ADAM23: variants seen among roughly 807,000 people sequenced by gnomAD.
The protein encoded by ADAM23 is ADAM metallopeptidase domain 23.
A neutral mutation model predicts 120.1 loss-of-function variants in ADAM23; 33 were observed. The observed-to-expected ratio is 0.27, with a 90% CI of 0.21 to 0.37. The LOEUF (loss-of-function observed/expected upper bound fraction) is 0.37. ADAM23 is among the 10% of genes least tolerant of loss of function. The pLI, the probability that ADAM23 is intolerant of heterozygous loss-of-function variation, is 1.00. For missense variants in ADAM23, 862 were observed against 1,058.2 expected (o/e 0.81, Z 2.57); for synonymous variants, 367 against 375.2 (o/e 0.98, Z 0.25).
chr2:206,590,321 C>T (rs1476695175), intron 21 of ADAM23, among the ~76,000 whole-genome samples: 2 of 152,182 alleles, frequency 1.3e-5, no homozygotes, highest in Non-Finnish European at 2.9e-5. Context: ...TGGTATTGAA[C>T]TCCTGGCCTC....
chr2:206,562,324 A>T (rs1574535388), intron 13 of ADAM23, 31 bp downstream of exon 13: 33 of 1,547,740 alleles, frequency 2.1e-5, no homozygotes, highest in Non-Finnish European at 2.9e-5. Flanking sequence ...ACTCATTTTC[A>T]TGTGCCATTC....
intron 2 of ADAM23, among the ~76,000 whole-genome samples, chr2:206,465,731 C>G (rs1316573365): frequency 6.6e-6 from 1 of 152,084 alleles, no homozygotes; most frequent in Non-Finnish European, 1.5e-5. Context: ...GGCACTATTA[C>G]AAAATTTTGA....
At chr2:206,457,084 T>C (rs550619066) in intron 2 of ADAM23, among the ~76,000 whole-genome samples, 58 of 152,318 alleles carry the variant, frequency 3.8e-4, no homozygotes, top group Middle Eastern at 3.4e-3. Context: ...TCTCCCCATG[T>C]TTATCCTTGC....
At chr2:206,513,119 C>T (rs1162999153) in intron 3 of ADAM23, among the ~76,000 whole-genome samples, 1 of 152,076 alleles carries the variant, frequency 6.6e-6, no homozygotes, top group Non-Finnish European at 1.5e-5. Flanking sequence ...AATTAACAAC[C>T]TTATACCGGC....
chr2:206,527,938 A>G (rs991855955), intron 3 of ADAM23, among the ~76,000 whole-genome samples: 1 of 152,216 alleles, frequency 6.6e-6, no homozygotes, highest in Non-Finnish European at 1.5e-5. Context: ...AGATTCTAAA[A>G]TGCCAGAGAT....
At chr2:206,580,694 C>T (rs1574546837) in intron 18 of ADAM23, among the ~76,000 whole-genome samples, 1 of 152,012 alleles carries the variant, frequency 6.6e-6, no homozygotes, top group Non-Finnish European at 1.5e-5. Flanking sequence ...TGGTAATGTC[C>T]TTTCCTGGTT....
At chr2:206,591,813 G>A (rs545822074) in intron 21 of ADAM23, among the ~76,000 whole-genome samples, 1 of 152,224 alleles carries the variant, frequency 6.6e-6, no homozygotes, top group South Asian at 2.1e-4. Context: ...CCAACACTTG[G>A]TATTATCAGA....
At chr2:206,473,572 AAATAATAAT>A (rs137861771) in intron 2 of ADAM23, among the ~76,000 whole-genome samples, 8 of 147,202 alleles carry the variant, frequency 5.4e-5, no homozygotes, top group South Asian at 2.1e-4. Flanking sequence ...CCCATCTCTA[AAATAATAAT>A]AATAATAATA....
intron 4 of ADAM23, among the ~76,000 whole-genome samples, chr2:206,538,425 A>G (rs1436953632): frequency 1.3e-5 from 2 of 152,218 alleles, no homozygotes; most frequent in Non-Finnish European, 2.9e-5. Flanking sequence ...AAAGATATGT[A>G]TATAGAATAA....
At chr2:206,584,874 G>A (rs1210850712) in intron 18 of ADAM23, among the ~76,000 whole-genome samples, 3 of 152,296 alleles carry the variant, frequency 2.0e-5, no homozygotes, top group Non-Finnish European at 2.9e-5. Context: ...TGCTAGGCAG[G>A]AATGGGCTGC....
rs1491552690 is a variant in ADAM23, at chr2:206,477,922, A to AT, written c.433-3310_433-3309insT. On this transcript the variant is annotated intron_variant, in intron 2 of 25. Coordinates refer to ENST00000264377, the MANE Select transcript of ADAM23 (RefSeq NM_003812.4). ...AATATATATATATATATATATATAT[A>AT]AAACAACAATGTGGTTTATAAAATA... 2.5e-3 allele frequency among the ~76,000 whole-genome samples: 341 copies of AT among 136,920 alleles called. 5 individuals carry two copies. Among genetic ancestry groups the AT allele is most frequent in the African/African-American group, 7.0e-3 (251 of 36,098 alleles). The allele number at this position is 136,920 out of a possible 152,430, so 89.8% of individuals were successfully genotyped here. A position where few individuals can be genotyped will look rare whatever the true frequency, so the allele number is the denominator to read the frequency against.
At chr2:206,545,501 T>A (rs556657797) in intron 6 of ADAM23, among the ~76,000 whole-genome samples, 55 of 152,164 alleles carry the variant, frequency 3.6e-4, no homozygotes, top group South Asian at 1.0e-3. Context: ...ATAAATTAAT[T>A]AATTAATTAA....
intron 2 of ADAM23, among the ~76,000 whole-genome samples, chr2:206,475,251 A>G (rs184126836): frequency 1.6e-4 from 24 of 152,338 alleles, no homozygotes; most frequent in Admixed American, 1.5e-3. Context: ...AACCTGTGCA[A>G]TCACCAGTGT....
intron 2 of ADAM23, among the ~76,000 whole-genome samples, chr2:206,448,500 AG>A (rs1695126883): frequency 3.2e-5 from 2 of 62,480 alleles, no homozygotes; most frequent in Non-Finnish European, 8.3e-5. Flanking sequence ...CAGAGTGATG[AG>A]TGTCTTTCAT....
At chr2:206,592,442 T>A (rs1456903581) in intron 21 of ADAM23, among the ~76,000 whole-genome samples, 175 bp from the exon 22 acceptor site, 5 of 152,190 alleles carry the variant, frequency 3.3e-5, no homozygotes, top group Non-Finnish European at 5.9e-5. Flanking sequence ...AAAACTGTGA[T>A]CCTCTTAGCA....
At chr2:206,499,210 G>A (rs865861829) in intron 3 of ADAM23, among the ~76,000 whole-genome samples, 1 of 151,744 alleles carries the variant, frequency 6.6e-6, no homozygotes, top group Non-Finnish European at 1.5e-5. Context: ...TGTTTATTGT[G>A]GCACTATTCA....
At chr2:206,445,640 A>G (rs1559209810) in intron 2 of ADAM23, 116 bp downstream of exon 2, 3 of 843,734 alleles carry the variant, frequency 3.6e-6, no homozygotes, top group East Asian at 2.6e-5. Context: ...TAAGAAAGCA[A>G]TTAATATTAT....
chr2:206,589,621 C>A, intron 21 of ADAM23, 107 bp downstream of exon 21: 1 of 823,032 alleles, frequency 1.2e-6, no homozygotes, highest in Non-Finnish European at 1.8e-6. Context: ...TAAGTGTTCA[C>A]CATTCCAAAA....
intron 25 of ADAM23, among the ~76,000 whole-genome samples, chr2:206,612,377 G>C (rs998621363): frequency 9.2e-5 from 14 of 152,180 alleles, no homozygotes; most frequent in Admixed American, 9.2e-4. Context: ...CTTTGGGTTT[G>C]AGTTCAATGT....
Sources: gnomAD v4.1 joint callset for allele counts (sites outside exome capture counted in the v4.1 genomes callset) on GRCh38, gnomAD v4.1.1 for gene constraint, MANE v1.5 for transcripts, NCBI Gene and HGNC (gene_info 2026-07-23, HGNC 2026-07-21) for gene names.